Variants in RAB23 observed in about 807,000 individuals in gnomAD.
RAB23 encodes ras-related protein Rab-23.
Under a neutral mutation model 30.0 loss-of-function variants are expected in RAB23, and 15 were observed. The ratio of observed to expected loss-of-function variants is 0.50; its 90% CI spans 0.33 to 0.77. RAB23 has a LOEUF of 0.77. RAB23 is among the 30% of genes least tolerant of loss of function. RAB23 has a pLI of 0.02. For synonymous variants in RAB23, 93 were observed against 94.0 expected (o/e 0.99, Z 0.06); for missense variants, 243 against 275.4 (o/e 0.88, Z 0.83).
At chr6:57,210,468 T>G (rs1018997615) in intron 1 of RAB23, 23 bp from the exon 2 acceptor site, 2 of 1,367,920 alleles carry the variant, frequency 1.5e-6, no homozygotes, top group African/African-American at 1.4e-5. Context: ...ATGAAATTAT[T>G]TTTTCATAAC....
chr6:57,201,721 CAAA>C (rs1562654153), intron 3 of RAB23, among the ~76,000 whole-genome samples: 1 of 152,024 alleles, frequency 6.6e-6, no homozygotes, highest in Non-Finnish European at 1.5e-5. Context: ...AATCAAGGAC[CAAA>C]AAGAGTAGAA....
intron 2 of RAB23, among the ~76,000 whole-genome samples, chr6:57,209,231 T>A (rs927505192): frequency 1.3e-5 from 2 of 152,242 alleles, no homozygotes; most frequent in African/African-American, 4.8e-5. Context: ...CTTAAATTTT[T>A]TGCTGCTCTA....
intron 6 of RAB23, among the ~76,000 whole-genome samples, chr6:57,192,501 G>C (rs1764875326): frequency 1.3e-5 from 2 of 152,222 alleles, no homozygotes; most frequent in South Asian, 4.1e-4. Flanking sequence ...TTCAAAGGAA[G>C]GACAGATTGC....
At chr6:57,220,744 T>TC (rs1170969610) in intron 1 of RAB23, among the ~76,000 whole-genome samples, 3 of 152,168 alleles carry the variant, frequency 2.0e-5, no homozygotes, top group South Asian at 2.1e-4. Context: ...AGGTTTTTTT[T>TC]CTGTGGCGGG....
At chr6:57,214,691 T>C (rs1429810393) in intron 1 of RAB23, among the ~76,000 whole-genome samples, 1 of 152,146 alleles carries the variant, frequency 6.6e-6, no homozygotes, top group African/African-American at 2.4e-5. Flanking sequence ...CCTTCCTGTT[T>C]TTGGAGCACA....
At chr6:57,194,746 C>A in intron 5 of RAB23, 24 bp downstream of exon 5, 1 of 1,532,426 alleles carries the variant, frequency 6.5e-7, no homozygotes, top group Non-Finnish European at 9.0e-7. Context: ...TTTTTGCAAT[C>A]TATATCCTTT....
At chr6:57,194,993 A>G (rs1411595823) in intron 4 of RAB23, 141 bp from the exon 5 acceptor site, 6 of 670,736 alleles carry the variant, frequency 8.9e-6, no homozygotes, top group Admixed American at 8.5e-5. Context: ...GAAAATTTTC[A>G]TATTTCTTTT....
chr6:57,211,281 T>C (rs556189877), intron 1 of RAB23, among the ~76,000 whole-genome samples: 40 of 151,868 alleles, frequency 2.6e-4, no homozygotes, highest in African/African-American at 9.2e-4. Flanking sequence ...AGAGACCCAG[T>C]TGCCACTAAA....
In RAB23 at chr6:57,203,000, G is replaced by GTTTTT. The variant is rs1170559704; in HGVS notation, c.241+4623_241+4627dup. 6.8e-3 allele frequency among the ~76,000 whole-genome samples: 564 copies of GTTTTT among 82,618 alleles called. 41 individuals carry two copies. The highest frequency in any genetic ancestry group is 0.022 in the Middle Eastern group (2 of 90). 54.2% of individuals were successfully genotyped at this position (82,618 alleles called of 152,430 possible). A position where few individuals can be genotyped will look rare whatever the true frequency, so the allele number is the denominator to read the frequency against. ...AAAAGTTAAATTACTAAGATAGGCT[G>GTTTTT]TTTTTTTTTTTTTTTTTTTTTTTTG... On this transcript the variant is annotated intron_variant, in intron 3 of 6. Coordinates refer to ENST00000468148, the MANE Select transcript of RAB23 (RefSeq NM_016277.5).
intron 4 of RAB23, 99 bp downstream of exon 4, chr6:57,196,351 T>C (rs531663224): frequency 1.5e-6 from 2 of 1,369,664 alleles, no homozygotes; most frequent in East Asian, 4.6e-5. Flanking sequence ...AAAATGAAAG[T>C]ATAGAATTTT....
chr6:57,212,677 T>C (rs1414705990), intron 1 of RAB23, among the ~76,000 whole-genome samples: 1 of 148,456 alleles, frequency 6.7e-6, no homozygotes, highest in Non-Finnish European at 1.5e-5. Flanking sequence ...AGGCCAGGGG[T>C]TCAAGACCAG....
intron 1 of RAB23, among the ~76,000 whole-genome samples, chr6:57,211,760 G>T (rs1765664062): frequency 6.6e-6 from 1 of 152,184 alleles, no homozygotes; most frequent in African/African-American, 2.4e-5. Context: ...GAAAGCAATA[G>T]AATGGGCACT....
intron 1 of RAB23, among the ~76,000 whole-genome samples, chr6:57,218,054 A>G (rs1220416742): frequency 6.6e-6 from 1 of 152,218 alleles, no homozygotes. Flanking sequence ...GAATACCCCT[A>G]TAACTATGAA....
chr6:57,219,419 G>C (rs1438568927), intron 1 of RAB23, among the ~76,000 whole-genome samples: 1 of 152,206 alleles, frequency 6.6e-6, no homozygotes, highest in South Asian at 2.1e-4. Context: ...ATCTACGGGT[G>C]TAATACAATT....
At chr6:57,212,092 AT>A (rs1167335778) in intron 1 of RAB23, among the ~76,000 whole-genome samples, 1 of 152,246 alleles carries the variant, frequency 6.6e-6, no homozygotes, top group African/African-American at 2.4e-5. Context: ...AATCTGGTTT[AT>A]AAAACAAGCA....
At chr6:57,194,112 GATA>G (rs1030461369) in intron 5 of RAB23, among the ~76,000 whole-genome samples, 178 bp from the exon 6 acceptor site, 23 of 152,158 alleles carry the variant, frequency 1.5e-4, no homozygotes, top group African/African-American at 5.3e-4. Flanking sequence ...TGAGTACAAT[GATA>G]ATATTAACAA....
Position 57,194,760 on chromosome 6 carries a change from G to T in RAB23, c.481+10C>A. 1 of 1,584,800 alleles carries T rather than the reference G, an allele frequency of 6.3e-7. No individual in the cohort carries two copies. Among genetic ancestry groups the T allele is most frequent in the Non-Finnish European group, 8.7e-7 (1 of 1,154,392 alleles). On this transcript the variant is annotated intron_variant, in intron 5 of 6. Transcript: ENST00000468148. The stretch of plus-strand genomic sequence containing the variant: ...CTTTTTGCAATCTATATCCTTTAAA[G>T]GTAATTTACCTTCATTCACATTTAG...
In RAB23 at chr6:57,210,285, G is replaced by A. The variant is rs571935782; in HGVS notation, c.96C>T (p.Gly32=). 8.1e-6 allele frequency: 13 copies of A among 1,613,938 alleles called. No homozygotes were observed. The East Asian group carries it at 2.7e-4, about 33-fold the overall frequency. The change falls in exon 2 of 7, where the codon GGC becomes GGT. Residue 32 remains glycine (G), a synonymous_variant. Coordinates refer to ENST00000468148, the MANE Select transcript of RAB23 (RefSeq NM_016277.5). The part of the protein sequence containing the change: ...KSSMIQRYCK[G]IFTKDYKKTI... ...TTTTCTTGTAGTCTTTTGTAAAAAT[G>A]CCTTTGCAATATCGCTGAATCATAC...
At chr6:57,200,636 T>C (rs75494026) in intron 3 of RAB23, among the ~76,000 whole-genome samples, 9,382 of 151,740 alleles carry the variant, frequency 0.062, 387 homozygotes, top group Middle Eastern at 0.12. Context: ...GAGGGTGCTA[T>C]CACCACCTGC....
Sources: allele counts gnomAD v4.1 joint callset (sites outside exome capture counted in the v4.1 genomes callset), GRCh38; gene constraint gnomAD v4.1.1; transcripts MANE v1.5; gene names NCBI Gene and HGNC (gene_info 2026-07-23, HGNC 2026-07-21).